Variants in PTPRM observed in about 807,000 individuals in gnomAD.
The protein encoded by PTPRM is receptor-type tyrosine-protein phosphatase mu.
In PTPRM, 47 loss-of-function variants were observed where a neutral mutation model predicts 186.7. That is an observed-to-expected ratio of 0.25 (90% confidence interval 0.20 to 0.32). The LOEUF is 0.32. Among genes scored for constraint, PTPRM ranks in the 10% least tolerant of loss-of-function variants. The probability of loss-of-function intolerance (pLI) is 1.00; values close to 1 mark genes in which losing one functional copy is unlikely to be tolerated. For synonymous variants in PTPRM, 668 were observed against 674.9 expected (o/e 0.99, Z 0.16); for missense variants, 1,494 against 1,865.0 (o/e 0.80, Z 3.66).
At position 7,888,113 on chromosome 18, in the gene PTPRM, C is replaced by T. The variant is rs780072125; in HGVS notation, c.204C>T (p.Phe68=). Reference sequence around the variant, plus strand: ...TTGATTTTGTTTTTGCAGGTTCTTTCATGCTGGTGAATGCCTCTGGGAGAC... The same window carrying T: ...TTGATTTTGTTTTTGCAGGTTCTTTTATGCTGGTGAATGCCTCTGGGAGAC... The part of the protein sequence containing the change: ...TSDPWMPSGS[F]MLVNASGRPE... The change falls in exon 3 of 33, where the codon TTC becomes TTT. Residue 68 remains phenylalanine, a synonymous_variant. Coordinates refer to ENST00000580170, the MANE Select transcript of PTPRM (RefSeq NM_001105244.2). The T allele has an allele frequency of 3.1e-6, 5 of 1,614,018 alleles. No homozygotes were observed. The African/African-American group carries it at 6.7e-5, about 22-fold the overall frequency.
intron 14 of PTPRM, among the ~76,000 whole-genome samples, chr18:8,149,148 C>G (rs1185923023): frequency 6.6e-6 from 1 of 152,104 alleles, no homozygotes; most frequent in East Asian, 1.9e-4. Flanking sequence ...GTGGAGAGTT[C>G]CGTGGATGTC....
In PTPRM at chr18:7,889,957, C is replaced by T. The variant is rs576951931; in HGVS notation, c.468+1580C>T. 4.6e-5 allele frequency among the ~76,000 whole-genome samples: 7 copies of T among 152,332 alleles called. No homozygotes were observed. In the South Asian group the frequency reaches 1.4e-3, roughly 32 times the overall value. ...TGAAGGGCGGAGGCCCATGGACATT[C>T]AGAAGTGGTACCAAAGCAGTTCTGA... is the stretch of plus-strand genomic sequence containing the variant. On this transcript the variant is annotated intron_variant, in intron 3 of 32. Transcript: ENST00000580170.
intron 23 of PTPRM, among the ~76,000 whole-genome samples, chr18:8,356,972 A>T (rs2095566682): frequency 6.6e-6 from 1 of 152,224 alleles, no homozygotes; most frequent in Non-Finnish European, 1.5e-5. Flanking sequence ...CATTTTGGTG[A>T]CGGGATCCAT....
intron 7 of PTPRM, among the ~76,000 whole-genome samples, chr18:7,972,461 T>TA (rs2054599704): frequency 0.037 from 30 of 810 alleles, 1 homozygote; most frequent in African/African-American, 0.054. Flanking sequence ...TAAAGTATAA[T>TA]TAAAAAAAAA....
intron 14 of PTPRM, among the ~76,000 whole-genome samples, chr18:8,239,000 T>G (rs545814705): frequency 2.6e-5 from 4 of 151,308 alleles, no homozygotes; most frequent in African/African-American, 9.7e-5. Context: ...TAATTTAATT[T>G]TATTATTATT....
chr18:8,260,355 A>T (rs2094617032), intron 19 of PTPRM, among the ~76,000 whole-genome samples: 1 of 151,922 alleles, frequency 6.6e-6, no homozygotes, highest in Non-Finnish European at 1.5e-5. Flanking sequence ...GTAGAGACAG[A>T]GTCTCACTAT....
intron 7 of PTPRM, among the ~76,000 whole-genome samples, chr18:8,034,997 T>G (rs999773436): frequency 1.3e-5 from 2 of 152,160 alleles, no homozygotes; most frequent in African/African-American, 4.8e-5. Context: ...CATGGCTGAT[T>G]GGATCCATGA....
At chr18:8,240,980 T>A (rs939733350) in intron 14 of PTPRM, among the ~76,000 whole-genome samples, 5 of 152,220 alleles carry the variant, frequency 3.3e-5, no homozygotes, top group African/African-American at 9.6e-5. Flanking sequence ...CTAGGCACTT[T>A]TAAACTTTTT....
At chr18:7,818,130 T>G (rs2044952480) in intron 2 of PTPRM, among the ~76,000 whole-genome samples, 1 of 152,166 alleles carries the variant, frequency 6.6e-6, no homozygotes, top group Admixed American at 6.5e-5. Context: ...ATTAGAGTTG[T>G]GTGGGAAAAA....
chr18:7,690,770 C>G (rs919815596), intron 1 of PTPRM, among the ~76,000 whole-genome samples: 2 of 152,118 alleles, frequency 1.3e-5, no homozygotes, highest in African/African-American at 4.8e-5. Flanking sequence ...CTCTTATTGC[C>G]TTGATAAAGC....
chr18:8,251,212 T>G (rs575634245), intron 17 of PTPRM, among the ~76,000 whole-genome samples: 80 of 152,320 alleles, frequency 5.3e-4, no homozygotes, highest in African/African-American at 1.8e-3. Flanking sequence ...TGCTGGTGTA[T>G]CCACGTGAAG....
chr18:8,365,425 C>T (rs2095622727), intron 23 of PTPRM, among the ~76,000 whole-genome samples: 1 of 152,190 alleles, frequency 6.6e-6, no homozygotes, highest in South Asian at 2.1e-4. Context: ...CAGAATGCAG[C>T]CATCCAGTGT....
At chr18:7,995,558 TA>T (rs2083489589) in intron 7 of PTPRM, 1 of 152,136 alleles carries the variant, frequency 6.6e-6, no homozygotes, top group Admixed American at 6.6e-5. Context: ...AACAGCACAT[TA>T]AAAAGTTACA....
intron 14 of PTPRM, among the ~76,000 whole-genome samples, chr18:8,168,581 C>T (rs766194377): frequency 6.6e-6 from 1 of 152,084 alleles, no homozygotes; most frequent in South Asian, 2.1e-4. Flanking sequence ...TCCATATTCA[C>T]TTTTCTTAAA....
chr18:8,319,182 A>G lies in PTPRM; in HGVS notation c.2924A>G (p.Tyr975Cys). The change falls in exon 22 of 33, where the codon TAT becomes TGT. Residue 975 changes from tyrosine to cysteine, a missense_variant. By Grantham distance (194) the Tyr-to-Cys change is radical. Transcript: ENST00000580170. ...DYINGNYIDG[Y>C]HRPNHYIATQ... ...TTCTCTTTTATTTATTTTTAGGGTTATCATCGACCCAATCATTACATTGCT... is the reference window on the plus strand; with the variant it reads ...TTCTCTTTTATTTATTTTTAGGGTTGTCATCGACCCAATCATTACATTGCT... The G allele has an allele frequency of 6.5e-7, 1 of 1,548,850 alleles. No individual in the cohort carries two copies. The highest frequency in any genetic ancestry group is 1.1e-5 in the South Asian group (1 of 87,442).
In PTPRM at chr18:7,774,247, A is replaced by G. The variant is rs1257296312; in HGVS notation, c.172A>G (p.Thr58Ala). 2 of 1,614,052 alleles carry G rather than the reference A, an allele frequency of 1.2e-6. No homozygotes were observed. Among genetic ancestry groups the G allele is most frequent in the South Asian group, 2.2e-5 (2 of 91,058 alleles). ...WEQVNTLTKP[T>A]SDPWMPSGSF... ...GCAAGTGAACACCTTGACTAAACCG[A>G]CTTCTGATCCATGGATGCCATCAGG... Residue 58 changes from threonine (T) to alanine (A), a missense_variant, in exon 2 of 33, where the codon ACT (threonine) becomes GCT (alanine). Physicochemically the swap from Thr to Ala is moderately conservative, Grantham distance 58. Around this residue, in one of 3 missense-constraint regions of PTPRM, gnomAD observed 296 missense variants for 345.5 expected, o/e 0.86. Transcript: ENST00000580170.
At chr18:8,390,633 A>G (rs1479756868) in intron 31 of PTPRM, among the ~76,000 whole-genome samples, 1 of 152,228 alleles carries the variant, frequency 6.6e-6, no homozygotes, top group Admixed American at 6.5e-5. Flanking sequence ...TTCACTGAAG[A>G]CAAAAGATGT....
At chr18:8,284,011 T>C (rs1195161032) in intron 19 of PTPRM, among the ~76,000 whole-genome samples, 1 of 152,178 alleles carries the variant, frequency 6.6e-6, no homozygotes, top group African/African-American at 2.4e-5. Flanking sequence ...TGAGCCTGCA[T>C]TTTTTTCTTA....
At chr18:8,091,630 G>A (rs2090735073) in intron 11 of PTPRM, among the ~76,000 whole-genome samples, 1 of 149,112 alleles carries the variant, frequency 6.7e-6, no homozygotes, top group Non-Finnish European at 1.5e-5. Context: ...TTGTCTTCAA[G>A]GGATTCATTA....
Sources: gnomAD v4.1 joint callset for allele counts (sites outside exome capture counted in the v4.1 genomes callset) on GRCh38, gnomAD v4.1.1 for gene constraint, gnomAD v4.1.1 regional missense constraint, MANE v1.5 for transcripts, NCBI Gene and HGNC (gene_info 2026-07-23, HGNC 2026-07-21) for gene names.